FOXP1: variants seen among roughly 807,000 people sequenced by gnomAD.
The protein encoded by FOXP1 is forkhead box protein P1.
Under a neutral mutation model 98.2 loss-of-function variants are expected in FOXP1, and 15 were observed. The ratio of observed to expected loss-of-function variants is 0.15; its 90% CI spans 0.10 to 0.24. The LOEUF is 0.24. Among genes scored for constraint, FOXP1 ranks in the 10% least tolerant of loss-of-function variants. The pLI is 1.00. For missense variants in FOXP1, 633 were observed against 848.5 expected, an observed-to-expected ratio of 0.75 and a Z score of 3.15; for synonymous variants, 371 against 314.5, an observed-to-expected ratio of 1.18 and a Z score of -1.90.
chr3:71,579,754 G>A (rs899447859), intron 2 of FOXP1, among the ~76,000 whole-genome samples: 2 of 150,592 alleles, frequency 1.3e-5, no homozygotes, highest in Admixed American at 1.3e-4. Flanking sequence ...CTCTAGTGTA[G>A]GAGTCTAATG....
chr3:71,107,126 G>T (rs1400222411), intron 7 of FOXP1, among the ~76,000 whole-genome samples: 2 of 152,192 alleles, frequency 1.3e-5, no homozygotes, highest in Admixed American at 1.3e-4. Context: ...CATGGAGTGG[G>T]CTGTCCTGGG....
chr3:71,406,245 G>A (rs1258381054), intron 3 of FOXP1, among the ~76,000 whole-genome samples: 4 of 151,786 alleles, frequency 2.6e-5, no homozygotes, highest in Admixed American at 1.3e-4. Context: ...GGGCCCCAAC[G>A]GGCTGAAATC....
At chr3:71,318,353 C>T (rs897004618) in intron 4 of FOXP1, among the ~76,000 whole-genome samples, 19 of 152,148 alleles carry the variant, frequency 1.2e-4, no homozygotes, top group Admixed American at 5.2e-4. Flanking sequence ...GATGCAGGCA[C>T]TTCCCTGAAT....
chr3:71,068,150 C>G (rs1449384533), intron 7 of FOXP1, among the ~76,000 whole-genome samples: 1 of 152,062 alleles, frequency 6.6e-6, no homozygotes, highest in Non-Finnish European at 1.5e-5. Flanking sequence ...ACAGATACAG[C>G]TCTTGTTCAA....
intron 6 of FOXP1, among the ~76,000 whole-genome samples, chr3:71,145,049 G>C (rs1011254259): frequency 2.0e-5 from 3 of 152,122 alleles, no homozygotes; most frequent in Admixed American, 2.0e-4. Flanking sequence ...TTGTACGGAG[G>C]TGCCACAGTC....
At chr3:71,012,607 A>G (rs1373788808) in intron 12 of FOXP1, among the ~76,000 whole-genome samples, 1 of 152,202 alleles carries the variant, frequency 6.6e-6, no homozygotes, top group East Asian at 1.9e-4. Context: ...TTCATTAACC[A>G]AAAATTTATA....
intron 5 of FOXP1, among the ~76,000 whole-genome samples, chr3:71,208,923 TCAGCTGCTGACCAC>T (rs576212792): frequency 6.6e-6 from 1 of 152,262 alleles, no homozygotes; most frequent in African/African-American, 2.4e-5. Context: ...GTTACATAGA[TCAGCTGCTGACCAC>T]CATGAAATCA....
At chr3:71,136,360 A>G (rs2059821070) in intron 6 of FOXP1, among the ~76,000 whole-genome samples, 1 of 152,246 alleles carries the variant, frequency 6.6e-6, no homozygotes, top group Non-Finnish European at 1.5e-5. Flanking sequence ...CAGAGAGTAC[A>G]AGGAAAACTG....
chr3:71,064,945 G>A (rs1163273309), intron 7 of FOXP1: 137 of 246,178 alleles, frequency 5.6e-4, no homozygotes, highest in Admixed American at 1.6e-3. Flanking sequence ...GGGCGCTCCG[G>A]CTCGCGGGCT....
intron 3 of FOXP1, among the ~76,000 whole-genome samples, chr3:71,474,989 C>T (rs576161997): frequency 6.6e-6 from 1 of 152,170 alleles, no homozygotes; most frequent in South Asian, 2.1e-4. Context: ...CATGGAGTTT[C>T]CCATCTCTGT....
At chr3:71,484,834 G>C (rs1293044736) in intron 3 of FOXP1, among the ~76,000 whole-genome samples, 3 of 152,120 alleles carry the variant, frequency 2.0e-5, no homozygotes, top group African/African-American at 7.2e-5. Flanking sequence ...AAAACGTGGA[G>C]GTAAAGAAGA....
At chr3:71,054,068 A>G (rs1012830219) in intron 7 of FOXP1, among the ~76,000 whole-genome samples, 20 of 152,250 alleles carry the variant, frequency 1.3e-4, no homozygotes, top group African/African-American at 4.6e-4. Context: ...ACAGTTCTCA[A>G]TTGCTTATTG....
At chr3:70,966,161 C>T (rs2034720787) in intron 19 of FOXP1, 105 bp from the exon 20 acceptor site, 1 of 1,037,862 alleles carries the variant, frequency 9.6e-7, no homozygotes, top group Non-Finnish European at 1.5e-6. Flanking sequence ...TTAATTGTAG[C>T]ATGGCTGGCA....
intron 12 of FOXP1, among the ~76,000 whole-genome samples, chr3:71,002,813 A>G (rs937656026): frequency 1.3e-5 from 2 of 152,152 alleles, no homozygotes; most frequent in African/African-American, 4.8e-5. Context: ...CCACGTGGGT[A>G]ATCAGTGCCC....
intron 6 of FOXP1, among the ~76,000 whole-genome samples, chr3:71,194,754 A>G (rs2063202098): frequency 6.6e-6 from 1 of 152,246 alleles, no homozygotes; most frequent in Non-Finnish European, 1.5e-5. Flanking sequence ...AACAGATAAA[A>G]GAAAATGTTC....
At chr3:71,269,459 A>G (rs915326974) in intron 5 of FOXP1, among the ~76,000 whole-genome samples, 2 of 152,198 alleles carry the variant, frequency 1.3e-5, no homozygotes, top group African/African-American at 4.8e-5. Context: ...ATATGGCCAT[A>G]TTGTTCCATC....
chr3:71,228,648 T>G (rs765425083), intron 5 of FOXP1, among the ~76,000 whole-genome samples: 6 of 152,196 alleles, frequency 3.9e-5, no homozygotes, highest in Admixed American at 6.5e-5. Flanking sequence ...GAGGTCTGAT[T>G]TATGTTGTCA....
chr3:71,123,692 G>A (rs1411304263), intron 6 of FOXP1, among the ~76,000 whole-genome samples: 1 of 152,092 alleles, frequency 6.6e-6, no homozygotes, highest in Non-Finnish European at 1.5e-5. Context: ...ATGGCTTTTA[G>A]GTCCAGTGGG....
chr3:70,982,700 T>C (rs1250913209), intron 14 of FOXP1, among the ~76,000 whole-genome samples: 2 of 152,138 alleles, frequency 1.3e-5, no homozygotes, highest in Non-Finnish European at 2.9e-5. Context: ...GTCCCTTTTT[T>C]TTTTTAATTA....
Sources: gnomAD v4.1 joint callset for allele counts (sites outside exome capture counted in the v4.1 genomes callset) on GRCh38, gnomAD v4.1.1 for gene constraint, MANE v1.5 for transcripts, NCBI Gene and HGNC (gene_info 2026-07-23, HGNC 2026-07-21) for gene names.